PRKCA: variants seen among roughly 807,000 people sequenced by gnomAD.
PRKCA encodes protein kinase C alpha type.
In PRKCA, 27 loss-of-function variants were observed where a neutral mutation model predicts 87.0. That is an observed-to-expected ratio of 0.31 (90% CI 0.23 to 0.43). The LOEUF (loss-of-function observed/expected upper bound fraction) is 0.43. Ranked by LOEUF, PRKCA falls within the 20% of genes least tolerant of loss-of-function variation. The pLI is 1.00. For missense variants in PRKCA, 518 were observed against 852.3 expected (o/e 0.61, Z 4.88); for synonymous variants, 329 against 311.1 (o/e 1.06, Z -0.61).
At chr17:66,480,853 C>T (rs1915747102) in intron 2 of PRKCA, among the ~76,000 whole-genome samples, 1 of 151,982 alleles carries the variant, frequency 6.6e-6, no homozygotes, top group Non-Finnish European at 1.5e-5. Flanking sequence ...CAGCTTCCTA[C>T]TTTCCTTCAG....
intron 15 of PRKCA, among the ~76,000 whole-genome samples, chr17:66,787,949 G>A (rs767179052): frequency 3.9e-5 from 6 of 152,298 alleles, no homozygotes; most frequent in Non-Finnish European, 5.9e-5. Flanking sequence ...TTCTACTTCT[G>A]GTGGCTATTT....
rs529997618 is a variant in PRKCA, at chr17:66,321,778, G to A, written c.205+15651G>A. 2.3e-4 allele frequency among the ~76,000 whole-genome samples: 35 copies of A among 152,036 alleles called. No homozygotes were observed. In the South Asian group the frequency reaches 6.2e-3, roughly 27 times the overall value. On this transcript the variant is annotated intron_variant, in intron 2 of 16. Coordinates refer to ENST00000413366, the MANE Select transcript of PRKCA (RefSeq NM_002737.3). ...AGGCTGATCTCGAACTCCTGACCTC[G>A]GGTGATCCACCCGCCTCAGCCTCCC...
At chr17:66,748,712 A>G (rs1974357773) in intron 13 of PRKCA, among the ~76,000 whole-genome samples, 1 of 152,146 alleles carries the variant, frequency 6.6e-6, no homozygotes, top group African/African-American at 2.4e-5. Context: ...TCTATGGTAA[A>G]TGGAAGGAAA....
At chr17:66,534,654 A>G (rs909944545) in intron 3 of PRKCA, among the ~76,000 whole-genome samples, 2 of 152,148 alleles carry the variant, frequency 1.3e-5, no homozygotes, top group African/African-American at 4.8e-5. Flanking sequence ...GTGACAGAGC[A>G]AGACTCTGTC....
At chr17:66,801,108 G>A (rs1227996929) in intron 16 of PRKCA, among the ~76,000 whole-genome samples, 3 of 152,162 alleles carry the variant, frequency 2.0e-5, no homozygotes, top group Admixed American at 1.3e-4. Flanking sequence ...GACTTCTGCC[G>A]CTTCTCCATT....
chr17:66,357,386 A>C (rs1349565543), intron 2 of PRKCA, among the ~76,000 whole-genome samples: 1 of 152,230 alleles, frequency 6.6e-6, no homozygotes, highest in African/African-American at 2.4e-5. Flanking sequence ...AGTTGTTAAG[A>C]ATAATGAGGT....
chr17:66,648,371 T>C (rs927940149), intron 5 of PRKCA, among the ~76,000 whole-genome samples: 8 of 152,230 alleles, frequency 5.3e-5, no homozygotes, highest in African/African-American at 1.9e-4. Context: ...TTCTAAGTAC[T>C]TTATGTACTA....
chr17:66,720,047 G>A (rs1226640104), intron 8 of PRKCA, among the ~76,000 whole-genome samples: 2 of 152,250 alleles, frequency 1.3e-5, no homozygotes, highest in Non-Finnish European at 2.9e-5. Context: ...GAACAAAACA[G>A]ACGAGCCGTG....
chr17:66,337,799 T>C (rs1268322656), intron 2 of PRKCA, among the ~76,000 whole-genome samples: 1 of 152,202 alleles, frequency 6.6e-6, no homozygotes, highest in Non-Finnish European at 1.5e-5. Flanking sequence ...GATGCTGGCT[T>C]TTTGACTTCT....
At chr17:66,561,567 A>G (rs1968679416) in intron 3 of PRKCA, among the ~76,000 whole-genome samples, 1 of 152,232 alleles carries the variant, frequency 6.6e-6, no homozygotes, top group Non-Finnish European at 1.5e-5. Flanking sequence ...TTCTGGATAT[A>G]GACCCAGAAG....
At chr17:66,345,203 A>G (rs1393283480) in intron 2 of PRKCA, among the ~76,000 whole-genome samples, 1 of 152,186 alleles carries the variant, frequency 6.6e-6, no homozygotes, top group African/African-American at 2.4e-5. Flanking sequence ...ATTGTTATCA[A>G]TTCACACATT....
At chr17:66,606,294 A>C (rs1445885053) in intron 3 of PRKCA, among the ~76,000 whole-genome samples, 1 of 152,214 alleles carries the variant, frequency 6.6e-6, no homozygotes, top group Non-Finnish European at 1.5e-5. Context: ...AGGCTGAGGC[A>C]GGAGAATCGC....
chr17:66,784,316 G>C (rs576762849), intron 14 of PRKCA, among the ~76,000 whole-genome samples: 1 of 152,292 alleles, frequency 6.6e-6, no homozygotes, highest in Non-Finnish European at 1.5e-5. Context: ...CGCAATCTCA[G>C]CTCAGTGCAA....
intron 2 of PRKCA, among the ~76,000 whole-genome samples, chr17:66,347,586 T>C (rs1370614723): frequency 6.6e-6 from 1 of 152,178 alleles, no homozygotes; most frequent in Non-Finnish European, 1.5e-5. Flanking sequence ...CACTATTTCA[T>C]TGAGTTCTGC....
At chr17:66,690,232 G>T (rs985138283) in intron 8 of PRKCA, among the ~76,000 whole-genome samples, 5 of 152,300 alleles carry the variant, frequency 3.3e-5, no homozygotes, top group South Asian at 2.1e-4. Context: ...ATACTAAATG[G>T]CAGGGGCTCT....
chr17:66,464,010 ATCT>A (rs912130451), intron 2 of PRKCA, among the ~76,000 whole-genome samples: 71 of 152,106 alleles, frequency 4.7e-4, no homozygotes, highest in African/African-American at 1.5e-3. Flanking sequence ...TGCCCTAAAG[ATCT>A]TCTATGCTCC....
intron 14 of PRKCA, chr17:66,778,146 T>C: frequency 2.0e-6 from 2 of 985,396 alleles, no homozygotes; most frequent in South Asian, 4.7e-5. Flanking sequence ...CTGTTTCCAA[T>C]ATTTCCCACA....
intron 2 of PRKCA, among the ~76,000 whole-genome samples, chr17:66,421,653 C>G (rs60398523): frequency 6.6e-6 from 1 of 151,810 alleles, no homozygotes; most frequent in South Asian, 2.1e-4. Context: ...CTGCCTCAGC[C>G]TCCCAGGTAG....
At chr17:66,476,152 G>A (rs1199783431) in intron 2 of PRKCA, among the ~76,000 whole-genome samples, 5 of 152,010 alleles carry the variant, frequency 3.3e-5, no homozygotes, top group African/African-American at 1.2e-4. Context: ...CGCCTGCCTC[G>A]GCCTCCCACA....
Sources: allele counts gnomAD v4.1 joint callset (sites outside exome capture counted in the v4.1 genomes callset), GRCh38; gene constraint gnomAD v4.1.1; transcripts MANE v1.5; gene names NCBI Gene and HGNC (gene_info 2026-07-23, HGNC 2026-07-21).